Variants in NUFIP2 observed in about 807,000 individuals in gnomAD.
NUFIP2 encodes the protein FMR1-interacting protein NUFIP2.
NUFIP2 carries 6 observed loss-of-function variants against 56.9 expected under a neutral mutation model. That is an observed-to-expected ratio of 0.11 (90% confidence interval 0.06 to 0.21). The LOEUF (loss-of-function observed/expected upper bound fraction) is 0.21, where lower values mean the gene tolerates loss of function less well. Among genes scored for constraint, NUFIP2 ranks in the 10% least tolerant of loss-of-function variants. NUFIP2 has a pLI of 1.00. For synonymous variants in NUFIP2, 321 were observed against 298.2 expected (o/e 1.08, Z -0.79); for missense variants, 828 against 826.8 (o/e 1.00, Z -0.02).
rs375488326 is a variant in NUFIP2, at chr17:29,286,845, A to G, written c.1149T>C (p.Ser383=). The part of the protein sequence containing the change: ...SSVSPTSSSS[S]SSSTGETQTQ... ...TCTGAGTTTCCCCGGTAGATGATGA[A>G]GATGATGAAGATGAAGTTGGTGACA... Residue 383 remains serine (S), a synonymous_variant, in exon 2 of 4, where the codon TCT becomes TCC. Transcript: ENST00000225388. 1 of 1,614,004 alleles carries G rather than the reference A, an allele frequency of 6.2e-7. No individual in the cohort carries two copies. The highest frequency in any genetic ancestry group is 8.5e-7 in the Non-Finnish European group (1 of 1,180,014).
At chr17:29,264,729 T>C in intron 3 of NUFIP2, 138 bp from the exon 4 acceptor site, 1 of 554,082 alleles carries the variant, frequency 1.8e-6, no homozygotes, top group Non-Finnish European at 3.3e-6. Flanking sequence ...ATTTCCTCCT[T>C]GTACCAACAC....
chr17:29,294,005 G>C lies in NUFIP2; in HGVS notation c.55C>G (p.Pro19Ala), dbSNP rs1233337121. 6.2e-7 allele frequency: 1 copy of C among 1,613,226 alleles called. No homozygotes were observed. The highest frequency in any genetic ancestry group is 8.5e-7 in the Non-Finnish European group (1 of 1,179,518). The change falls in exon 1 of 4, where the codon CCG becomes GCG. Residue 19 changes from proline to alanine, a missense_variant. Physicochemically the swap from Pro to Ala is conservative, Grantham distance 27. Coordinates refer to ENST00000225388, the MANE Select transcript of NUFIP2 (RefSeq NM_020772.3). ...TGCTGCTGCTGAGGGTGATGGTGCG[G>C]ATGGTGGTGGCTGTGATGGTGCTGA... ...QPQHHHSHHH[P>A]HHHPQQQQQQ... is the part of the protein sequence containing the mutation.
chr17:29,289,014 G>A (rs2069194793), intron 1 of NUFIP2, among the ~76,000 whole-genome samples: 1 of 152,132 alleles, frequency 6.6e-6, no homozygotes, highest in East Asian at 1.9e-4. Flanking sequence ...CGTGGGGCAT[G>A]TGCCTATACT....
In NUFIP2 at chr17:29,287,484, A is replaced by G. The variant is rs189428766; in HGVS notation, c.510T>C (p.Asn170=). The change falls in exon 2 of 4, where the codon AAT becomes AAC. Residue 170 remains asparagine (N), a synonymous_variant. Transcript: ENST00000225388. The part of the protein sequence containing the change: ...MDKKNGKSYE[N]KSGENQSVDK... ...CTACAGACTGATTCTCTCCAGATTT[A>G]TTTTCATAAGACTTCCCATTCTTTT... The G allele has an allele frequency of 2.0e-5, 32 of 1,614,038 alleles. No individual in the cohort carries two copies. The East Asian group carries it at 6.9e-4, about 35-fold the overall frequency.
Position 29,287,477 on chromosome 17 carries a change from C to A in NUFIP2, c.517G>T (p.Gly173Ter). 1 of 1,614,018 alleles carries A rather than the reference C, an allele frequency of 6.2e-7. No individual in the cohort carries two copies. The highest frequency in any genetic ancestry group is 8.5e-7 in the Non-Finnish European group (1 of 1,179,962). ...GACTTATCTACAGACTGATTCTCTCCAGATTTATTTTCATAAGACTTCCCA... is the reference window on the plus strand; with the variant it reads ...GACTTATCTACAGACTGATTCTCTCAAGATTTATTTTCATAAGACTTCCCA... ...KNGKSYENKS[G>*]ENQSVDKSDT... The change falls in exon 2 of 4, where the codon GGA becomes TGA. Residue 173 changes from glycine (G) to a stop codon, truncating the protein, a stop_gained. Transcript: ENST00000225388. LOFTEE classifies it high-confidence loss of function.
At chr17:29,275,081 C>T (rs759405770) in intron 2 of NUFIP2, among the ~76,000 whole-genome samples, 2 of 151,714 alleles carry the variant, frequency 1.3e-5, no homozygotes, top group Non-Finnish European at 2.9e-5. Flanking sequence ...CTGGAATGCT[C>T]GATCTCGGCT....
intron 2 of NUFIP2, among the ~76,000 whole-genome samples, chr17:29,279,359 A>G (rs909538618): frequency 6.6e-6 from 1 of 152,150 alleles, no homozygotes; most frequent in South Asian, 2.1e-4. Context: ...ATTTTTTTTA[A>G]AATTCAGATC....
chr17:29,291,645 G>A (rs1348775965), intron 1 of NUFIP2, among the ~76,000 whole-genome samples: 2 of 152,216 alleles, frequency 1.3e-5, no homozygotes, highest in East Asian at 1.9e-4. Context: ...TCTGGCAAGA[G>A]TATATTAACC....
chr17:29,292,939 A>G (rs1253998832), intron 1 of NUFIP2, among the ~76,000 whole-genome samples: 2 of 135,210 alleles, frequency 1.5e-5, no homozygotes, highest in African/African-American at 5.6e-5. Context: ...GCAGGGGGCG[A>G]GGCTGCGGCC....
chr17:29,286,364 A>T lies in NUFIP2; in HGVS notation c.1630T>A (p.Leu544Met). 1.9e-6 allele frequency: 3 copies of T among 1,614,174 alleles called. No homozygotes were observed. Among genetic ancestry groups the T allele is most frequent in the Non-Finnish European group, 2.5e-6 (3 of 1,180,030 alleles). Residue 544 changes from leucine (L) to methionine (M), a missense_variant, in exon 2 of 4, where the codon TTG (leucine) becomes ATG (methionine). This residue lies in a region of NUFIP2 where 404 missense variants were observed against 380.3 expected (regional missense o/e 1.06). Coordinates refer to ENST00000225388, the MANE Select transcript of NUFIP2 (RefSeq NM_020772.3). ...VTFQGEYPAT[L>M]VSQGAEIIPS... ...ATTATTTCAGCACCCTGTGAAACCAAAGTAGCAGGATATTCTCCTTGAAAT... is the reference window on the plus strand; with the variant it reads ...ATTATTTCAGCACCCTGTGAAACCATAGTAGCAGGATATTCTCCTTGAAAT...
intron 2 of NUFIP2, among the ~76,000 whole-genome samples, chr17:29,275,147 A>G (rs1023560047): frequency 6.6e-6 from 1 of 151,924 alleles, no homozygotes; most frequent in Non-Finnish European, 1.5e-5. Flanking sequence ...GCCCCCCCCA[A>G]GCAGCTGGGA....
intron 1 of NUFIP2, among the ~76,000 whole-genome samples, chr17:29,290,697 A>G (rs1304790476): frequency 1.3e-5 from 2 of 151,682 alleles, no homozygotes; most frequent in African/African-American, 2.4e-5. Context: ...AGAAAAGCAT[A>G]AAGTTCCTAA....
At chr17:29,280,598 A>T (rs185207383) in intron 2 of NUFIP2, among the ~76,000 whole-genome samples, 3 of 151,900 alleles carry the variant, frequency 2.0e-5, no homozygotes, top group Admixed American at 2.0e-4. Context: ...AGGCGGGAGG[A>T]TTCCTTAAGC....
At chr17:29,272,990 C>A (rs1168636360) in intron 2 of NUFIP2, among the ~76,000 whole-genome samples, 1 of 151,646 alleles carries the variant, frequency 6.6e-6, no homozygotes. Context: ...GCTGGGATTA[C>A]AGGCACACGC....
chr17:29,293,752 C>T (rs760368425), intron 1 of NUFIP2, 31 bp downstream of exon 1: 1 of 1,449,206 alleles, frequency 6.9e-7, no homozygotes, highest in East Asian at 2.3e-5. Flanking sequence ...CACCCCCAAC[C>T]CCCTTCCCCC....
At chr17:29,274,785 G>A (rs1476232496) in intron 2 of NUFIP2, among the ~76,000 whole-genome samples, 2 of 151,960 alleles carry the variant, frequency 1.3e-5, no homozygotes, top group Non-Finnish European at 2.9e-5. Flanking sequence ...CAGATGAAGT[G>A]ACAATAATAT....
At chr17:29,288,413 T>C (rs951626701) in intron 1 of NUFIP2, among the ~76,000 whole-genome samples, 8 of 152,238 alleles carry the variant, frequency 5.3e-5, no homozygotes. Context: ...GAAACAGTAA[T>C]TATTACAAGG....
At chr17:29,270,325 A>G (rs933249370) in intron 2 of NUFIP2, among the ~76,000 whole-genome samples, 17 of 83,710 alleles carry the variant, frequency 2.0e-4, no homozygotes, top group Non-Finnish European at 3.7e-4. Flanking sequence ...TAACCTGGAG[A>G]AAAAAAAAAA....
At chr17:29,285,528 T>G (rs1438293701) in intron 2 of NUFIP2, among the ~76,000 whole-genome samples, 1 of 122,238 alleles carries the variant, frequency 8.2e-6, no homozygotes, top group African/African-American at 3.0e-5. Flanking sequence ...GAGGTGGAGG[T>G]TGCAGTGGGC....
Sources: gnomAD v4.1 joint callset for allele counts (sites outside exome capture counted in the v4.1 genomes callset) on GRCh38, gnomAD v4.1.1 for gene constraint, gnomAD v4.1.1 regional missense constraint, MANE v1.5 for transcripts, NCBI Gene and HGNC (gene_info 2026-07-23, HGNC 2026-07-21) for gene names.